The following KLHL15 variants were observed in gnomAD, a reference collection of about 807,000 sequenced individuals.
KLHL15 encodes the protein kelch-like protein 15.
Under a neutral mutation model 29.3 loss-of-function variants are expected in KLHL15, and 1 was observed. That is an observed-to-expected ratio of 0.03 (90% CI 0.01 to 0.16). The LOEUF is 0.16. Among genes scored for constraint, KLHL15 ranks in the 10% least tolerant of loss-of-function variants. The pLI, the probability that KLHL15 is intolerant of heterozygous loss-of-function variation, is 1.00. For missense variants in KLHL15, 215 were observed against 478.5 expected (o/e 0.45, Z 5.14); for synonymous variants, 212 against 184.5 (o/e 1.15, Z -1.21).
chrX:23,995,719 C>G (rs1217953559), intron 3 of KLHL15, among the ~76,000 whole-genome samples: 1 of 109,831 alleles, frequency 9.1e-6, no homozygotes, highest in East Asian at 2.8e-4. Context: ...GCCACCGTGC[C>G]CAGCCTAGCC....
chrX:24,005,900 G>T, intron 3 of KLHL15, 89 bp downstream of exon 3: 1 of 629,003 alleles, frequency 1.6e-6, no homozygotes, highest in Non-Finnish European at 2.4e-6. Context: ...ATTCATTCTT[G>T]GCTCTTAAGT....
intron 1 of KLHL15, among the ~76,000 whole-genome samples, chrX:24,026,766 A>G (rs965314354): frequency 1.4e-4 from 16 of 111,979 alleles, no homozygotes; most frequent in African/African-American, 4.2e-4. Context: ...AATCACTTCA[A>G]TCTTTTGGAA....
At chrX:24,025,601 G>A (rs972623221) in intron 1 of KLHL15, among the ~76,000 whole-genome samples, 5 of 108,557 alleles carry the variant, frequency 4.6e-5, no homozygotes, top group Non-Finnish European at 9.7e-5. Flanking sequence ...GCCCCGAGGG[G>A]GCCAGCCCGT....
intron 3 of KLHL15, 115 bp from the exon 4 acceptor site, chrX:23,989,145 G>T: frequency 1.7e-6 from 1 of 576,442 alleles, no homozygotes; most frequent in Non-Finnish European, 2.6e-6. Context: ...TGCTTTTCCT[G>T]CTAAGATCAC....
chrX:23,989,963 C>T (rs1267936739), intron 3 of KLHL15, among the ~76,000 whole-genome samples: 2 of 109,621 alleles, frequency 1.8e-5, no homozygotes, highest in Non-Finnish European at 3.8e-5. Flanking sequence ...CAAACATTTT[C>T]CTTTTTGCTT....
chrX:24,022,072 C>T (rs768577892), intron 2 of KLHL15, among the ~76,000 whole-genome samples: 1 of 111,082 alleles, frequency 9.0e-6, no homozygotes, highest in Admixed American at 9.6e-5. Flanking sequence ...GGCGCGGTGG[C>T]TCATGTCTGT....
At chrX:24,009,210 T>C (rs1234145998) in intron 2 of KLHL15, among the ~76,000 whole-genome samples, 1 of 109,618 alleles carries the variant, frequency 9.1e-6, no homozygotes, top group South Asian at 3.9e-4. Context: ...AATACAAAAA[T>C]TAAAGGCCGG....
intron 3 of KLHL15, among the ~76,000 whole-genome samples, chrX:24,004,227 G>GT (rs1436042377): frequency 9.0e-6 from 1 of 110,965 alleles, no homozygotes; most frequent in Non-Finnish European, 1.9e-5. Context: ...ATGGTGGTGG[G>GT]TAACTGTAAT....
At chrX:23,991,284 C>A (rs770203769) in intron 3 of KLHL15, among the ~76,000 whole-genome samples, 6 of 102,401 alleles carry the variant, frequency 5.9e-5, no homozygotes, top group Non-Finnish European at 1.2e-4. Flanking sequence ...ACCTGGGAGG[C>A]AGAGGTTGTA....
chrX:24,014,530 C>CAA (rs199680690), intron 2 of KLHL15, among the ~76,000 whole-genome samples: 104 of 95,298 alleles, frequency 1.1e-3, no homozygotes, highest in Non-Finnish European at 1.7e-3. Flanking sequence ...AACAAAAAAA[C>CAA]AAAAAAAAAC....
intron 2 of KLHL15, among the ~76,000 whole-genome samples, chrX:24,012,110 G>A (rs892432396): frequency 5.5e-5 from 6 of 108,360 alleles, no homozygotes; most frequent in African/African-American, 1.7e-4. Context: ...AGCTGAGATC[G>A]TGCCACTGCA....
At chrX:24,008,592 C>A (rs1039996986) in intron 2 of KLHL15, among the ~76,000 whole-genome samples, 1 of 110,828 alleles carries the variant, frequency 9.0e-6, no homozygotes, top group African/African-American at 3.3e-5. Context: ...CTCCTTTTCA[C>A]ATACCCCCAC....
intron 2 of KLHL15, among the ~76,000 whole-genome samples, chrX:24,012,448 T>C (rs1044953701): frequency 4.5e-5 from 5 of 110,978 alleles, no homozygotes. Flanking sequence ...CATTTCTCAA[T>C]CTCCTTCATG....
At chrX:24,010,369 T>TGCTA (rs1929550177) in intron 2 of KLHL15, among the ~76,000 whole-genome samples, 1 of 112,077 alleles carries the variant, frequency 8.9e-6, no homozygotes, top group African/African-American at 3.2e-5. Context: ...ATCCCTGCCC[T>TGCTA]GCTAAACAAA....
intron 3 of KLHL15, among the ~76,000 whole-genome samples, chrX:24,002,691 G>A (rs916468672): frequency 6.5e-5 from 7 of 108,270 alleles, no homozygotes; most frequent in African/African-American, 2.4e-4. Context: ...GCAGTGGCAC[G>A]ACCGTGGCTC....
At chrX:24,004,704 C>A (rs1432654710) in intron 3 of KLHL15, among the ~76,000 whole-genome samples, 1 of 108,087 alleles carries the variant, frequency 9.3e-6, no homozygotes, top group Admixed American at 1.0e-4. Flanking sequence ...GCAAGAGAAT[C>A]GCTTGAACCT....
intron 3 of KLHL15, among the ~76,000 whole-genome samples, chrX:23,994,550 T>C (rs1299583766): frequency 8.9e-6 from 1 of 112,039 alleles, no homozygotes; most frequent in Non-Finnish European, 1.9e-5. Context: ...CATCTTTTCA[T>C]AGAGAAGGCA....
chrX:24,024,928 G>A lies in KLHL15; in HGVS notation c.-79C>T, dbSNP rs984508926. 17 of 297,116 alleles carry A rather than the reference G, an allele frequency of 5.7e-5. No homozygotes were observed. In the Admixed American group the frequency reaches 1.0e-3, roughly 18 times the overall value. 24.5% of individuals were successfully genotyped at this position (297,116 alleles called of 1,213,427 possible). A position where few individuals can be genotyped will look rare whatever the true frequency, so the allele number is the denominator to read the frequency against. ...GAAGAACCGGGCCAGCGGGCCGATG[G>A]GTGGGCGGTCGGGCGCCGGGACGGC... On this transcript the variant is annotated 5_prime_UTR_variant, in exon 2 of 4. Coordinates refer to ENST00000328046, the MANE Select transcript of KLHL15 (RefSeq NM_030624.3).
At chrX:24,003,003 G>A (rs1468416107) in intron 3 of KLHL15, among the ~76,000 whole-genome samples, 1 of 112,691 alleles carries the variant, frequency 8.9e-6, no homozygotes, top group Non-Finnish European at 1.9e-5. Context: ...CTTAGGCTAT[G>A]TTTTGTTAAT....
Sources: allele counts gnomAD v4.1 joint callset (sites outside exome capture counted in the v4.1 genomes callset), GRCh38; gene constraint gnomAD v4.1.1; transcripts MANE v1.5; gene names NCBI Gene and HGNC (gene_info 2026-07-23, HGNC 2026-07-21).